COL25A1: variants seen among roughly 807,000 people sequenced by gnomAD.
The protein encoded by COL25A1 is collagen alpha-1(XXV) chain.
Under a neutral mutation model 128.4 loss-of-function variants are expected in COL25A1, and 103 were observed. That is an observed-to-expected ratio of 0.80 (90% CI 0.68 to 0.94). The LOEUF (loss-of-function observed/expected upper bound fraction) is 0.94, where lower values mean the gene tolerates loss of function less well. Among genes scored for constraint, COL25A1 ranks in the 40% least tolerant of loss-of-function variants. The pLI, the probability that COL25A1 is intolerant of heterozygous loss-of-function variation, is 0.00. For missense variants in COL25A1, 745 were observed against 840.0 expected, an observed-to-expected ratio of 0.89 and a Z score of 1.40; for synonymous variants, 279 against 277.2, an observed-to-expected ratio of 1.01 and a Z score of -0.06.
At chr4:109,090,570 T>G (rs1022561545) in intron 3 of COL25A1, among the ~76,000 whole-genome samples, 1 of 152,194 alleles carries the variant, frequency 6.6e-6, no homozygotes, top group Non-Finnish European at 1.5e-5. Flanking sequence ...AGTGCTGAAA[T>G]GTAGTTATGT....
At chr4:108,859,791 C>A (rs1457462095) in intron 23 of COL25A1, 58 bp from the exon 24 acceptor site, 1 of 1,300,866 alleles carries the variant, frequency 7.7e-7, no homozygotes, top group African/African-American at 1.5e-5. Context: ...GTAGGGTGGA[C>A]TGTGGCAGAA....
chr4:109,005,784 G>C (rs1380866573), intron 6 of COL25A1, among the ~76,000 whole-genome samples: 1 of 152,184 alleles, frequency 6.6e-6, no homozygotes, highest in African/African-American at 2.4e-5. Context: ...TTAACTAGCT[G>C]CAAAAGAAGA....
chr4:109,024,938 T>C lies in COL25A1; in HGVS notation c.421-14563A>G, dbSNP rs370321931. On this transcript the variant is annotated intron_variant, in intron 5 of 37. Transcript: ENST00000399132. ...AATAAAGAAAGGGGCAGAAGAGTTA[T>C]ACAGTTAAACACCAGCGAGAAGAGG... Among the ~76,000 whole-genome samples, 312 of 152,306 alleles carry C rather than the reference T, an allele frequency of 2.0e-3. 1 individual carries two copies. Among genetic ancestry groups the C allele is most frequent in the African/African-American group, 7.2e-3 (301 of 41,582 alleles).
At chr4:108,926,078 T>C (rs754320023) in intron 11 of COL25A1, among the ~76,000 whole-genome samples, 1 of 152,178 alleles carries the variant, frequency 6.6e-6, no homozygotes, top group Non-Finnish European at 1.5e-5. Flanking sequence ...GAAAGACACA[T>C]CATGAGATGG....
chr4:108,812,366 A>G lies in COL25A1; in HGVS notation c.*1561T>C, dbSNP rs1180874651. The G allele has an allele frequency of 6.6e-6, 1 of 152,200 alleles. No individual in the cohort carries two copies. The highest frequency in any genetic ancestry group is 1.5e-5 in the Non-Finnish European group (1 of 68,024). 9.4% of individuals were successfully genotyped at this position (152,200 alleles called of 1,614,324 possible). Reference sequence around the variant, plus strand: ...AATAGAAATTAGTTAATATTACCAAATGTGACAAAATCTTGGCTTTATATT... The same window carrying G: ...AATAGAAATTAGTTAATATTACCAAGTGTGACAAAATCTTGGCTTTATATT... On this transcript the variant is annotated 3_prime_UTR_variant, in exon 38 of 38. Coordinates refer to ENST00000399132, the MANE Select transcript of COL25A1 (RefSeq NM_198721.4).
At chr4:109,134,432 T>C (rs1317584466) in intron 3 of COL25A1, among the ~76,000 whole-genome samples, 1 of 152,158 alleles carries the variant, frequency 6.6e-6, no homozygotes, top group East Asian at 1.9e-4. Context: ...TCTCAATCTC[T>C]GGAGTCTATT....
chr4:108,841,312 T>C (rs755740030), intron 31 of COL25A1, among the ~76,000 whole-genome samples: 2 of 152,058 alleles, frequency 1.3e-5, no homozygotes, highest in Non-Finnish European at 2.9e-5. Flanking sequence ...TATGACTACA[T>C]GGCAAGCAAG....
At chr4:109,104,456 A>G (rs1249055686) in intron 3 of COL25A1, among the ~76,000 whole-genome samples, 1 of 151,904 alleles carries the variant, frequency 6.6e-6, no homozygotes, top group African/African-American at 2.4e-5. Context: ...GTTCCAATCA[A>G]TGTTTACTAA....
At chr4:109,267,971 C>CA (rs200953945) in intron 3 of COL25A1, among the ~76,000 whole-genome samples, 62 of 151,192 alleles carry the variant, frequency 4.1e-4, no homozygotes, top group African/African-American at 1.3e-3. Flanking sequence ...TTCATTATTA[C>CA]AAAAAAAAAT....
intron 8 of COL25A1, among the ~76,000 whole-genome samples, chr4:108,956,114 G>A (rs1190445294): frequency 3.3e-5 from 5 of 152,096 alleles, no homozygotes; most frequent in Admixed American, 3.3e-4. Flanking sequence ...CCTAAGTTAA[G>A]ATGAGAATAT....
chr4:109,088,332 C>T (rs1042560703), intron 3 of COL25A1, among the ~76,000 whole-genome samples: 2 of 152,142 alleles, frequency 1.3e-5, no homozygotes, highest in Admixed American at 6.5e-5. Context: ...GGTTCCGATG[C>T]CACCTGTGGC....
At chr4:109,105,139 C>G (rs141177422) in intron 3 of COL25A1, among the ~76,000 whole-genome samples, 1 of 152,222 alleles carries the variant, frequency 6.6e-6, no homozygotes, top group East Asian at 1.9e-4. Flanking sequence ...TGAAGCTACT[C>G]TAAATACTTT....
intron 8 of COL25A1, among the ~76,000 whole-genome samples, chr4:108,944,467 T>G (rs1748497076): frequency 1.3e-5 from 2 of 152,160 alleles, no homozygotes; most frequent in Admixed American, 1.3e-4. Flanking sequence ...CAAAAACAGA[T>G]ACAAACAAGA....
chr4:109,150,519 TG>T (rs1278627576), intron 3 of COL25A1, among the ~76,000 whole-genome samples: 3 of 152,272 alleles, frequency 2.0e-5, no homozygotes, highest in Admixed American at 6.5e-5. Flanking sequence ...TGCCGAGATG[TG>T]GTGAAAAGTT....
intron 3 of COL25A1, among the ~76,000 whole-genome samples, chr4:109,161,817 G>A (rs1295430582): frequency 6.6e-6 from 1 of 152,224 alleles, no homozygotes; most frequent in African/African-American, 2.4e-5. Flanking sequence ...TTATAGGTGA[G>A]AAACAAGAGG....
At chr4:108,925,328 T>C (rs1335278763) in intron 11 of COL25A1, among the ~76,000 whole-genome samples, 1 of 151,322 alleles carries the variant, frequency 6.6e-6, no homozygotes, top group Non-Finnish European at 1.5e-5. Context: ...GAGAAGTAGA[T>C]GGAATAGTTT....
At chr4:108,901,282 T>A (rs938658659) in intron 13 of COL25A1, 110 bp from the exon 14 acceptor site, 22 of 768,382 alleles carry the variant, frequency 2.9e-5, no homozygotes, top group Non-Finnish European at 4.4e-5. Flanking sequence ...AGATAAAGAA[T>A]AAGTGACTAT....
intron 19 of COL25A1, among the ~76,000 whole-genome samples, chr4:108,877,349 G>A (rs1739564408): frequency 6.6e-6 from 1 of 152,084 alleles, no homozygotes; most frequent in Non-Finnish European, 1.5e-5. Context: ...TTTGAAACAG[G>A]ATCCTGTTTC....
intron 13 of COL25A1, among the ~76,000 whole-genome samples, chr4:108,904,635 A>T (rs566086515): frequency 3.3e-5 from 5 of 152,162 alleles, no homozygotes; most frequent in African/African-American, 1.2e-4. Context: ...GTGTGTGTGT[A>T]TGTGGGTGGG....
Sources: gnomAD v4.1 joint callset for allele counts (sites outside exome capture counted in the v4.1 genomes callset) on GRCh38, gnomAD v4.1.1 for gene constraint, MANE v1.5 for transcripts, NCBI Gene and HGNC (gene_info 2026-07-23, HGNC 2026-07-21) for gene names.